The following F5 variants were observed in gnomAD, a reference collection of about 807,000 sequenced individuals.
The protein encoded by F5 is activated protein c cofactor.
A neutral mutation model predicts 216.4 loss-of-function variants in F5; 138 were observed. The ratio of observed to expected loss-of-function variants is 0.64; its 90% confidence interval spans 0.56 to 0.73. The LOEUF is 0.73. Among genes scored for constraint, F5 ranks in the 30% least tolerant of loss-of-function variants. The probability of loss-of-function intolerance (pLI) is 0.00; values close to 1 mark genes in which losing one functional copy is unlikely to be tolerated. For synonymous variants in F5, 916 were observed against 930.7 expected, an observed-to-expected ratio of 0.98 and a Z score of 0.29; for missense variants, 2,403 against 2,674.0, an observed-to-expected ratio of 0.90 and a Z score of 2.24.
Position 169,586,303 on chromosome 1 carries a change from C to G in F5, c.84G>C (p.Ala28=). The G allele has an allele frequency of 6.2e-7, 1 of 1,614,162 alleles. No individual in the cohort carries two copies. The highest frequency in any genetic ancestry group is 8.5e-7 in the Non-Finnish European group (1 of 1,180,028). The change falls in exon 1 of 25, where the codon GCG becomes GCC. Residue 28 remains alanine, a synonymous_variant. Coordinates refer to ENST00000367797, the MANE Select transcript of F5 (RefSeq NM_000130.5). ...CCACGTAGAACTGCCTTAGCTGTGC[C>G]GCTTCTGTCCCTTGGCTCCCCCAGC... ...WVGWGSQGTE[A]AQLRQFYVAA...
At position 169,538,018 on chromosome 1, in the gene F5, TCTGCTGTCCCACGTTCA is replaced by T. The variant is rs539381962; in HGVS notation, c.4797-1355_4797-1339del. Among the ~76,000 whole-genome samples the T allele has an allele frequency of 3.3e-4, 50 of 152,256 alleles. No individual in the cohort carries two copies. In the East Asian group the frequency reaches 8.5e-3, roughly 26 times the overall value. On this transcript the variant is annotated intron_variant, in intron 13 of 24. Transcript: ENST00000367797. Reference sequence around the variant, plus strand: ...ATGAAATCAGTATGTTGAAGAGATATCTGCTGTCCCACGTTCACTGCAGCATTAGCCACATTAGCCAA... The same window carrying T: ...ATGAAATCAGTATGTTGAAGAGATATCTGCAGCATTAGCCACATTAGCCAA...
At chr1:169,577,878 T>A (rs56719897) in intron 2 of F5, among the ~76,000 whole-genome samples, 224 of 151,988 alleles carry the variant, frequency 1.5e-3, no homozygotes, top group African/African-American at 5.1e-3. Context: ...CCCCTACAAT[T>A]ACAAGAACTA....
chr1:169,552,671 A>G lies in F5; in HGVS notation c.1182T>C (p.Val394=). ...SNQIGKHYKK[V]MYTQYEDESF... is the part of the protein sequence containing the mutation. The stretch of plus-strand genomic sequence containing the variant: ...ACTCATCTTCGTACTGTGTGTACAT[A>G]ACTTTCTTATAATGTTTTCCAATTT... Residue 394 remains valine, a synonymous_variant, in exon 8 of 25, where the codon GTT becomes GTC. Coordinates refer to ENST00000367797, the MANE Select transcript of F5 (RefSeq NM_000130.5). The G allele has an allele frequency of 2.5e-6, 4 of 1,612,848 alleles. No individual in the cohort carries two copies. Among genetic ancestry groups the G allele is most frequent in the Non-Finnish European group, 3.4e-6 (4 of 1,179,260 alleles).
chr1:169,530,703 G>C, intron 15 of F5, 83 bp downstream of exon 15: 2 of 1,252,402 alleles, frequency 1.6e-6, no homozygotes, highest in East Asian at 4.6e-5. Context: ...CATTTGACAA[G>C]AAATAACCCC....
At chr1:169,557,249 A>C (rs1420807584) in intron 5 of F5, among the ~76,000 whole-genome samples, 1 of 152,178 alleles carries the variant, frequency 6.6e-6, no homozygotes, top group Non-Finnish European at 1.5e-5. Flanking sequence ...TAAAAAGTCC[A>C]CGGCAAAATG....
At position 169,514,381 on chromosome 1, in the gene F5, C is replaced by T; in HGVS notation, c.6607G>A (p.Val2203Ile). 1 of 1,613,092 alleles carries T rather than the reference C, an allele frequency of 6.2e-7. No individual in the cohort carries two copies. The highest frequency in any genetic ancestry group is 8.5e-7 in the Non-Finnish European group (1 of 1,179,374). The part of the protein sequence containing the change: ...NPPIISRFIR[V>I]IPKTWNQSIA... ...CTTTGATTCCATGTTTTAGGAATGA[C>T]ACGGATAAACCTGGAAATGATTGGG... is the stretch of plus-strand genomic sequence containing the variant. Residue 2203 changes from valine (V) to isoleucine (I), a missense_variant, in exon 25 of 25, where the codon GTC becomes ATC. Physicochemically the swap from Val to Ile is conservative, Grantham distance 29. This residue lies in a region of F5 where 659 missense variants were observed against 787.9 expected (regional missense o/e 0.84). Coordinates refer to ENST00000367797, the MANE Select transcript of F5 (RefSeq NM_000130.5).
At chr1:169,555,084 C>T in intron 7 of F5, 98 bp downstream of exon 7, 1 of 1,345,786 alleles carries the variant, frequency 7.4e-7, no homozygotes, top group South Asian at 1.2e-5. Flanking sequence ...ACATGTGTCC[C>T]CTTGAGAGCT....
rs1226333949 is a variant in F5 at position 169,586,317 on chromosome 1, G to C, written c.70C>G (p.Gln24Glu). The change falls in exon 1 of 25, where the codon CAA becomes GAA. Residue 24 changes from glutamine (Q) to glutamate (E), a missense_variant. Physicochemically the swap from Gln to Glu is conservative, Grantham distance 29. Coordinates refer to ENST00000367797, the MANE Select transcript of F5 (RefSeq NM_000130.5). The stretch of plus-strand genomic sequence containing the variant: ...CTTAGCTGTGCCGCTTCTGTCCCTT[G>C]GCTCCCCCAGCCTACCCAGCTGGTG... ...LGTSWVGWGSQGTEAAQLRQF... is the reference protein window; with the variant it reads ...LGTSWVGWGSEGTEAAQLRQF... The C allele has an allele frequency of 1.5e-5, 25 of 1,613,958 alleles. No individual in the cohort carries two copies. Among genetic ancestry groups the C allele is most frequent in the Non-Finnish European group, 2.1e-5 (25 of 1,180,008 alleles).
rs1392787172 is a variant in F5, at chr1:169,512,015, G to T, written c.*2298C>A. ...GTTTTAATATTTCTACACAGCATTA[G>T]ATAATAGCCCAAACATATTATTGAT... On this transcript the variant is annotated 3_prime_UTR_variant, in exon 25 of 25. Transcript: ENST00000367797. Among the ~76,000 whole-genome samples, 1 of 152,114 alleles carries T rather than the reference G, an allele frequency of 6.6e-6. No homozygotes were observed. The highest frequency in any genetic ancestry group is 1.5e-5 in the Non-Finnish European group (1 of 67,962).
intron 2 of F5, among the ~76,000 whole-genome samples, chr1:169,581,987 A>G (rs1478084074): frequency 6.6e-6 from 1 of 152,244 alleles, no homozygotes; most frequent in Non-Finnish European, 1.5e-5. Flanking sequence ...TGAACCCAGG[A>G]TATGAGACTG....
At chr1:169,517,454 A>G (rs1659186786) in intron 23 of F5, among the ~76,000 whole-genome samples, 1 of 152,168 alleles carries the variant, frequency 6.6e-6, no homozygotes, top group Admixed American at 6.6e-5. Context: ...ATTTAAGGAT[A>G]GGCCCTGGAA....
At chr1:169,550,272 C>CCCA in intron 9 of F5, among the ~76,000 whole-genome samples, 1 of 70,408 alleles carries the variant, frequency 1.4e-5, no homozygotes, top group Non-Finnish European at 2.5e-5. Context: ...TAATGCTATC[C>CCCA]CTCCCCCCGC....
rs1488790341 is a variant in F5 at position 169,556,630 on chromosome 1, C to T, written c.952+16G>A. Reference sequence around the variant, plus strand: ...ATTCTGCATTGAGAAGCAAGACTGTCAGGAGAGTTTCTTGCCTTGCAAATG... The same window carrying T: ...ATTCTGCATTGAGAAGCAAGACTGTTAGGAGAGTTTCTTGCCTTGCAAATG... On this transcript the variant is annotated intron_variant, in intron 6 of 24. Transcript: ENST00000367797. The T allele has an allele frequency of 3.1e-6, 5 of 1,612,106 alleles. No individual in the cohort carries two copies. In the Admixed American group the frequency reaches 6.7e-5, roughly 22 times the overall value.
Position 169,578,774 on chromosome 1 carries a change from A to G in F5, c.250+3657T>C, listed in dbSNP as rs77145868. 1.1e-4 allele frequency among the ~76,000 whole-genome samples: 17 copies of G among 152,226 alleles called. 1 individual carries two copies. In the East Asian group the frequency reaches 3.3e-3, roughly 29 times the overall value. ...ACTTCCTACTCATAACTACAAACTT[A>G]ATTTTATTTGCAACGTTATCCTCTG... On this transcript the variant is annotated intron_variant, in intron 2 of 24. Coordinates refer to ENST00000367797, the MANE Select transcript of F5 (RefSeq NM_000130.5).
intron 23 of F5, among the ~76,000 whole-genome samples, chr1:169,518,167 T>G (rs145075267): frequency 2.6e-5 from 4 of 152,308 alleles, no homozygotes; most frequent in Non-Finnish European, 5.9e-5. Context: ...ATTAATTTGC[T>G]TATTATTGGT....
In F5 at chr1:169,515,574, A is replaced by T; in HGVS notation, c.6398T>A (p.Ile2133Lys). 6.2e-7 allele frequency: 1 copy of T among 1,613,414 alleles called. No homozygotes were observed. The highest frequency in any genetic ancestry group is 1.7e-5 in the Admixed American group (1 of 59,946). The change falls in exon 24 of 25, where the codon ATA becomes AAA. Residue 2133 changes from isoleucine to lysine, a missense_variant. Ile to Lys is a moderately radical substitution (Grantham distance 102, BLOSUM62 -3). Around this residue, in one of 4 missense-constraint regions of F5, gnomAD observed 659 missense variants for 787.9 expected, o/e 0.84. Transcript: ENST00000367797. ...LEIDLLKIKK[I>K]TAIITQGCKS... ...GCAGCCCTGTGTTATAATTGCCGTT[A>T]TCTTCTTGATCTTGAGTAGATCAAT...
rs753158142 is a variant in F5, at chr1:169,524,921, GA to G, written c.5717-14del. 1.9e-5 allele frequency: 30 copies of G among 1,594,396 alleles called. 2 individuals are homozygous for G. Among genetic ancestry groups the G allele is most frequent in the African/African-American group, 5.4e-5 (4 of 74,304 alleles). On this transcript the variant is annotated splice_polypyrimidine_tract_variant and intron_variant, in intron 18 of 24. Coordinates refer to ENST00000367797, the MANE Select transcript of F5 (RefSeq NM_000130.5). ...GGCATCCTACAGTCTATGAAAAACA[GA>G]AAAAAAATGAATAATTTTTGCTTAG...
chr1:169,525,828 A>G (rs1057407736), intron 18 of F5, 73 bp downstream of exon 18: 87 of 1,046,464 alleles, frequency 8.3e-5, no homozygotes, highest in Non-Finnish European at 1.2e-4. Context: ...AATATTTCCA[A>G]TCTAAAAGTT....
chr1:169,531,232 T>C (rs981776128), intron 14 of F5, among the ~76,000 whole-genome samples: 1 of 151,986 alleles, frequency 6.6e-6, no homozygotes, highest in Non-Finnish European at 1.5e-5. Flanking sequence ...CCAAAAGATA[T>C]TTGTTCTTAG....
Sources: allele counts gnomAD v4.1 joint callset (sites outside exome capture counted in the v4.1 genomes callset), GRCh38; gene constraint gnomAD v4.1.1; regional missense constraint gnomAD v4.1.1; transcripts MANE v1.5; gene names NCBI Gene and HGNC (gene_info 2026-07-23, HGNC 2026-07-21).